Variants in OSBPL10 observed in about 807,000 individuals in gnomAD.
OSBPL10 encodes the protein oxysterol-binding protein-related protein 10.
Under a neutral mutation model 81.7 loss-of-function variants are expected in OSBPL10, and 49 were observed. That is an observed-to-expected ratio of 0.60 (90% CI 0.48 to 0.76). The LOEUF (loss-of-function observed/expected upper bound fraction) is 0.76, where lower values mean the gene tolerates loss of function less well. Among genes scored for constraint, OSBPL10 ranks in the 30% least tolerant of loss-of-function variants. The pLI is 0.00. For synonymous variants in OSBPL10, 419 were observed against 383.6 expected (o/e 1.09, Z -1.08); for missense variants, 923 against 987.8 (o/e 0.93, Z 0.88).
chr3:31,876,607 T>A (rs1180619100), intron 2 of OSBPL10, 95 bp from the exon 3 acceptor site: 1 of 1,027,174 alleles, frequency 9.7e-7, no homozygotes, highest in Non-Finnish European at 1.5e-6. Context: ...GTGGGGAGCC[T>A]GGGGAGTGAG....
In OSBPL10 at chr3:31,719,276, C is replaced by T. The variant is rs566467962; in HGVS notation, c.1095+13981G>A. ...CATGTTTGTTGTTACTGCTTCTTACCTCAAAAAATGCACCCAAAAGGTGGA... is the reference window on the plus strand; with the variant it reads ...CATGTTTGTTGTTACTGCTTCTTACTTCAAAAAATGCACCCAAAAGGTGGA... On this transcript the variant is annotated intron_variant, in intron 6 of 11. Coordinates refer to ENST00000396556, the MANE Select transcript of OSBPL10 (RefSeq NM_017784.5). Among the ~76,000 whole-genome samples the T allele has an allele frequency of 3.3e-5, 5 of 152,160 alleles. No individual in the cohort carries two copies. In the South Asian group the frequency reaches 1.0e-3, roughly 32 times the overall value.
chr3:31,999,253 A>G (rs536474546), intron 2 of OSBPL10, among the ~76,000 whole-genome samples: 2 of 152,036 alleles, frequency 1.3e-5, no homozygotes, highest in South Asian at 4.2e-4. Context: ...CCCTAACCTG[A>G]TTCCCCTATG....
At chr3:31,855,402 T>C (rs1437206926) in intron 3 of OSBPL10, among the ~76,000 whole-genome samples, 1 of 152,222 alleles carries the variant, frequency 6.6e-6, no homozygotes. Flanking sequence ...TTTTGAAGAA[T>C]ACAGTCCATG....
At chr3:31,746,863 T>C (rs969864534) in intron 5 of OSBPL10, among the ~76,000 whole-genome samples, 3 of 151,750 alleles carry the variant, frequency 2.0e-5, no homozygotes, top group African/African-American at 4.8e-5. Flanking sequence ...TTAGGAGATA[T>C]ACCTAAGGCT....
At chr3:31,663,604 G>A in intron 11 of OSBPL10, 4 of 1,035,300 alleles carry the variant, frequency 3.9e-6, no homozygotes, top group Non-Finnish European at 4.7e-6. Context: ...TCCCCTGCAT[G>A]ACTAGCCCTT....
rs1445763387 is a variant in OSBPL10, at chr3:31,683,667, C to A, written c.1693G>T (p.Gly565Cys). The A allele has an allele frequency of 2.5e-6, 4 of 1,613,772 alleles. No homozygotes were observed. Residue 565 changes from glycine to cysteine, a missense_variant, in exon 8 of 12, where the codon GGC becomes TGC. Physicochemically the swap from Gly to Cys is radical, Grantham distance 159. Coordinates refer to ENST00000396556, the MANE Select transcript of OSBPL10 (RefSeq NM_017784.5). ...ATCATAGAGACCCCCACGGACATGC[C>A]CATGAACTTGCTTTTGGTCCATACA... ...THVWTKSKFM[G>C]MSVGVSMIGE...
At chr3:31,789,165 G>C (rs149084268) in intron 4 of OSBPL10, among the ~76,000 whole-genome samples, 1 of 152,194 alleles carries the variant, frequency 6.6e-6, no homozygotes, top group Non-Finnish European at 1.5e-5. Context: ...GTTTAGTAGA[G>C]AGGGGTTTCA....
At chr3:31,835,654 A>T (rs1316503087) in intron 3 of OSBPL10, among the ~76,000 whole-genome samples, 1 of 152,234 alleles carries the variant, frequency 6.6e-6, no homozygotes, top group Non-Finnish European at 1.5e-5. Flanking sequence ...AGAAAAAAAT[A>T]GCCCAAGGCA....
intron 2 of OSBPL10, among the ~76,000 whole-genome samples, chr3:32,015,787 G>C (rs1052936422): frequency 6.6e-6 from 1 of 152,106 alleles, no homozygotes; most frequent in Non-Finnish European, 1.5e-5. Flanking sequence ...GTGGGCGAAG[G>C]ATATGAACAG....
rs773490428 is a variant in OSBPL10, at chr3:31,748,170, C to T, written c.730-50G>A. On this transcript the variant is annotated intron_variant, in intron 4 of 11. Coordinates refer to ENST00000396556, the MANE Select transcript of OSBPL10 (RefSeq NM_017784.5). ...AGGTGAGGGGCGGAAGTTCTTTCGA[C>T]AGGCTGGGGAGGCGGCAGATAAACC... is the stretch of plus-strand genomic sequence containing the variant. 2.6e-6 allele frequency: 4 copies of T among 1,524,046 alleles called. No individual in the cohort carries two copies. The South Asian group carries it at 3.5e-5, about 13-fold the overall frequency. The allele number at this position is 1,524,046 out of a possible 1,614,324, so 94.4% of individuals were successfully genotyped here. A position where few individuals can be genotyped will look rare whatever the true frequency, so the allele number is the denominator to read the frequency against.
At chr3:31,852,894 G>A (rs1700805905) in intron 3 of OSBPL10, among the ~76,000 whole-genome samples, 1 of 152,034 alleles carries the variant, frequency 6.6e-6, no homozygotes, top group South Asian at 2.1e-4. Context: ...TGTTTTGTTT[G>A]TTTTAACACA....
At chr3:32,026,057 T>TAGATAGATGATAGATAGATAGATA (rs58717718) in intron 2 of OSBPL10, among the ~76,000 whole-genome samples, 1 of 111,342 alleles carries the variant, frequency 9.0e-6, no homozygotes, top group African/African-American at 3.4e-5. Context: ...GATAGATAGA[T>TAGATAGATGATAGATAGATAGATA]GATAGATAGA....
intron 3 of OSBPL10, among the ~76,000 whole-genome samples, chr3:31,854,857 G>A (rs1700869081): frequency 6.6e-6 from 1 of 152,154 alleles, no homozygotes; most frequent in African/African-American, 2.4e-5. Flanking sequence ...GCTTCAGTGT[G>A]TCTTTCTAAA....
chr3:32,043,464 G>A (rs534000817), intron 2 of OSBPL10, among the ~76,000 whole-genome samples: 28 of 152,154 alleles, frequency 1.8e-4, no homozygotes, highest in East Asian at 1.3e-3. Context: ...CTGAGATGAC[G>A]TACATCCTCA....
At chr3:31,879,897 A>C in intron 1 of OSBPL10, 67 bp from the exon 2 acceptor site, 1 of 1,472,570 alleles carries the variant, frequency 6.8e-7, no homozygotes, top group East Asian at 2.4e-5. Context: ...AAGCAGAAAA[A>C]AGCAAAGTGA....
intron 7 of OSBPL10, among the ~76,000 whole-genome samples, chr3:31,690,286 G>C (rs1695492557): frequency 6.6e-6 from 1 of 151,860 alleles, no homozygotes; most frequent in South Asian, 2.1e-4. Context: ...CTCCTGCTCT[G>C]GCCATGTAAG....
At chr3:31,856,110 ACACACACG>A (rs920058889) in intron 3 of OSBPL10, among the ~76,000 whole-genome samples, 1 of 143,074 alleles carries the variant, frequency 7.0e-6, no homozygotes, top group African/African-American at 2.5e-5. Flanking sequence ...ACACACACAC[ACACACACG>A]TTTTAATCTA....
At chr3:31,840,434 C>G (rs758645310) in intron 3 of OSBPL10, among the ~76,000 whole-genome samples, 109 of 152,322 alleles carry the variant, frequency 7.2e-4, no homozygotes, top group Non-Finnish European at 1.1e-3. Flanking sequence ...CCAAATGTTT[C>G]ATGCTAAAAA....
rs181913482 is a variant in OSBPL10 at position 32,060,424 on chromosome 3, T to C, written n.186-13821A>G. Among the ~76,000 whole-genome samples, 7 of 152,330 alleles carry C rather than the reference T, an allele frequency of 4.6e-5. 1 individual carries two copies. The South Asian group carries it at 1.2e-3, about 27-fold the overall frequency. ...GCCGAACGCCATCATTCTCAACTTCTTGTCCTTTCTTAACCCTGCTTAAAT... is the reference window on the plus strand; with the variant it reads ...GCCGAACGCCATCATTCTCAACTTCCTGTCCTTTCTTAACCCTGCTTAAAT... On this transcript the variant is annotated intron_variant and non_coding_transcript_variant, in intron 1 of 3. Coordinates refer to the OSBPL10 transcript ENST00000479173.
Sources: gnomAD v4.1 joint callset for allele counts (sites outside exome capture counted in the v4.1 genomes callset) on GRCh38, gnomAD v4.1.1 for gene constraint, MANE v1.5 for transcripts, NCBI Gene and HGNC (gene_info 2026-07-23, HGNC 2026-07-21) for gene names.